Variants in POU6F2 observed in about 807,000 individuals in gnomAD.
POU6F2 encodes the protein POU class 6 homeobox 2.
Under a neutral mutation model 71.3 loss-of-function variants are expected in POU6F2, and 31 were observed. The ratio of observed to expected loss-of-function variants is 0.43; its 90% confidence interval spans 0.33 to 0.59. The LOEUF is 0.59. POU6F2 is among the 20% of genes least tolerant of loss of function. POU6F2 has a pLI of 0.04. For missense variants in POU6F2, 783 were observed against 856.8 expected, an observed-to-expected ratio of 0.91 and a Z score of 1.07; for synonymous variants, 347 against 355.7, an observed-to-expected ratio of 0.98 and a Z score of 0.27.
At chr7:39,185,467 T>A (rs1171971126) in intron 2 of POU6F2, among the ~76,000 whole-genome samples, 1 of 152,170 alleles carries the variant, frequency 6.6e-6, no homozygotes, top group African/African-American at 2.4e-5. Flanking sequence ...AACCGAAGTT[T>A]ATGAAGGATA....
At chr7:39,302,871 T>A (rs1184139194) in intron 4 of POU6F2, among the ~76,000 whole-genome samples, 1 of 152,218 alleles carries the variant, frequency 6.6e-6, no homozygotes, top group Admixed American at 6.5e-5. Flanking sequence ...AGATATGAGG[T>A]CTAATCCAGT....
In POU6F2 at chr7:39,031,998, C is replaced by T. The variant is rs375686715; in HGVS notation, c.106-53862C>T. 1.8e-4 allele frequency among the ~76,000 whole-genome samples: 28 copies of T among 152,168 alleles called. No individual in the cohort carries two copies. In the East Asian group the frequency reaches 3.5e-3, roughly 19 times the overall value. The stretch of plus-strand genomic sequence containing the variant: ...GTCAATAGTTGCGTCCCACTGAATC[C>T]GACTTGTGAATCAGGAAGGATGCTA... On this transcript the variant is annotated intron_variant, in intron 1 of 9. Transcript: ENST00000518318.
chr7:39,010,872 C>T (rs1449907051), intron 1 of POU6F2, among the ~76,000 whole-genome samples: 1 of 151,596 alleles, frequency 6.6e-6, no homozygotes, highest in Non-Finnish European at 1.5e-5. Flanking sequence ...AGTTTGATTG[C>T]ACTGTGGTCT....
intron 1 of POU6F2, among the ~76,000 whole-genome samples, chr7:39,074,659 G>A (rs1376405625): frequency 6.6e-6 from 1 of 152,046 alleles, no homozygotes; most frequent in Non-Finnish European, 1.5e-5. Flanking sequence ...ATCCTTTTTA[G>A]CAGTGGTTTC....
intron 4 of POU6F2, among the ~76,000 whole-genome samples, chr7:39,317,968 C>T (rs545171460): frequency 1.3e-5 from 2 of 152,152 alleles, no homozygotes; most frequent in Non-Finnish European, 2.9e-5. Context: ...TTAAAGACTT[C>T]GCCCTTCATT....
At chr7:39,285,956 C>T (rs1311389025) in intron 4 of POU6F2, among the ~76,000 whole-genome samples, 3 of 152,176 alleles carry the variant, frequency 2.0e-5, no homozygotes, top group Non-Finnish European at 4.4e-5. Flanking sequence ...ACAGGACACA[C>T]GTTGATTCGC....
intron 4 of POU6F2, among the ~76,000 whole-genome samples, chr7:39,256,447 T>A (rs1384152639): frequency 6.6e-6 from 1 of 152,136 alleles, no homozygotes; most frequent in Non-Finnish European, 1.5e-5. Context: ...AGAGTGGAAT[T>A]AATTCCTCAT....
At chr7:39,090,227 A>G (rs1791336334) in intron 2 of POU6F2, among the ~76,000 whole-genome samples, 1 of 152,116 alleles carries the variant, frequency 6.6e-6, no homozygotes. Context: ...AATGTACTAT[A>G]TTGTGTATTT....
rs947060645 is a variant in POU6F2 at position 39,290,987 on chromosome 7, G to T, written c.599-48655G>T. On this transcript the variant is annotated intron_variant, in intron 4 of 9. Coordinates refer to ENST00000518318, the MANE Select transcript of POU6F2 (RefSeq NM_001370959.1). ...TCAAGCCCCTTTGGTCCAGGTCTCT[G>T]AACTAATATTTAGAGGCAAAGAGGA... is the stretch of plus-strand genomic sequence containing the variant. Among the ~76,000 whole-genome samples the T allele has an allele frequency of 3.1e-5, 4 of 128,056 alleles. No homozygotes were observed. The South Asian group carries it at 1.0e-3, about 33-fold the overall frequency. 84.0% of individuals were successfully genotyped at this position (128,056 alleles called of 152,430 possible).
At chr7:39,244,635 C>T (rs1486689849) in intron 4 of POU6F2, among the ~76,000 whole-genome samples, 1 of 152,152 alleles carries the variant, frequency 6.6e-6, no homozygotes, top group Non-Finnish European at 1.5e-5. Context: ...TATGTACACT[C>T]ACACACACGC....
At chr7:39,295,586 A>G (rs751132186) in intron 4 of POU6F2, among the ~76,000 whole-genome samples, 3 of 152,232 alleles carry the variant, frequency 2.0e-5, no homozygotes, top group Admixed American at 6.5e-5. Flanking sequence ...ATTACACTCC[A>G]GCCTAGGAGA....
intron 2 of POU6F2, among the ~76,000 whole-genome samples, chr7:39,163,367 T>A (rs1793038440): frequency 6.6e-6 from 1 of 152,048 alleles, no homozygotes; most frequent in African/African-American, 2.4e-5. Context: ...ATGGAAGGAG[T>A]AACACAGAGA....
intron 2 of POU6F2, among the ~76,000 whole-genome samples, chr7:39,116,801 A>AT (rs201458598): frequency 0.012 from 1,847 of 151,730 alleles, 41 homozygotes; most frequent in African/African-American, 0.041. Context: ...AAATCTTCAG[A>AT]TTTTTTTTTA....
At chr7:39,366,968 G>C (rs892208740) in intron 5 of POU6F2, among the ~76,000 whole-genome samples, 1 of 152,112 alleles carries the variant, frequency 6.6e-6, no homozygotes, top group African/African-American at 2.4e-5. Flanking sequence ...GAGAACCAGA[G>C]GAGAGAGGAG....
At chr7:39,087,185 T>C (rs1791272271) in intron 2 of POU6F2, among the ~76,000 whole-genome samples, 1 of 143,230 alleles carries the variant, frequency 7.0e-6, no homozygotes, top group Admixed American at 6.9e-5. Context: ...TATTTATTTA[T>C]TTATTTATTT....
intron 4 of POU6F2, among the ~76,000 whole-genome samples, chr7:39,254,880 A>G (rs1347697286): frequency 6.6e-6 from 1 of 152,226 alleles, no homozygotes; most frequent in Non-Finnish European, 1.5e-5. Context: ...CCGCAGCAGC[A>G]GCGTACACAA....
chr7:39,356,712 C>T (rs769313456), intron 5 of POU6F2, among the ~76,000 whole-genome samples: 7 of 152,214 alleles, frequency 4.6e-5, no homozygotes, highest in Middle Eastern at 3.4e-3. Context: ...AATTTCTTGA[C>T]GAAGATAACG....
intron 2 of POU6F2, among the ~76,000 whole-genome samples, chr7:39,198,037 C>T (rs1305094939): frequency 6.6e-6 from 1 of 152,146 alleles, no homozygotes; most frequent in Admixed American, 6.5e-5. Context: ...GGAATTTTGC[C>T]AAAATACATT....
chr7:39,034,762 G>A (rs1032443406), intron 1 of POU6F2, among the ~76,000 whole-genome samples: 3 of 152,034 alleles, frequency 2.0e-5, no homozygotes, highest in Non-Finnish European at 4.4e-5. Context: ...GAGGTGATGT[G>A]GTGAATGCAC....
Sources: allele counts gnomAD v4.1 joint callset (sites outside exome capture counted in the v4.1 genomes callset), GRCh38; gene constraint gnomAD v4.1.1; transcripts MANE v1.5; gene names NCBI Gene and HGNC (gene_info 2026-07-23, HGNC 2026-07-21).